FBXO44: variants seen among roughly 807,000 people sequenced by gnomAD.
The protein encoded by FBXO44 is F-box protein 44.
A neutral mutation model predicts 33.5 loss-of-function variants in FBXO44; 25 were observed. The observed-to-expected ratio is 0.75, with a 90% CI of 0.54 to 1.04. FBXO44 has a LOEUF of 1.04. Ranked by LOEUF, FBXO44 falls within the 50% of genes least tolerant of loss-of-function variation. FBXO44 has a pLI of 0.00. For missense variants in FBXO44, 311 were observed against 344.0 expected (o/e 0.90, Z 0.76); for synonymous variants, 147 against 152.8 (o/e 0.96, Z 0.28).
upstream of FBXO44, chr1:11,654,773 G>C (rs1639644946): frequency 6.4e-6 from 1 of 156,420 alleles, no homozygotes; most frequent in Non-Finnish European, 1.4e-5. Context: ...CCCCACACCA[G>C]GTAATTTTCC....
At chr1:11,658,990 G>T in intron 5 of FBXO44, 119 bp downstream of exon 5, 1 of 1,296,912 alleles carries the variant, frequency 7.7e-7, no homozygotes, top group South Asian at 1.4e-5. Context: ...CCAATGCTCT[G>T]AGCTTCACTC....
Position 11,658,412 on chromosome 1 carries a change from G to C in FBXO44, c.392+19G>C. 1 of 1,613,742 alleles carries C rather than the reference G, an allele frequency of 6.2e-7. No individual in the cohort carries two copies. Among genetic ancestry groups the C allele is most frequent in the East Asian group, 2.2e-5 (1 of 44,854 alleles). ...CATATTAGTAAGATCCGGGGACTTG[G>C]GGTAGGGGAAAGCCCAAATCAATTT... is the stretch of plus-strand genomic sequence containing the variant. On this transcript the variant is annotated intron_variant, in intron 3 of 5. Transcript: ENST00000251547.
chr1:11,657,109 T>C (rs898798267), intron 2 of FBXO44, among the ~76,000 whole-genome samples: 13 of 152,174 alleles, frequency 8.5e-5, no homozygotes, highest in Non-Finnish European at 5.9e-5. Context: ...AAAATGATAA[T>C]AAAACCACTC....
chr1:11,656,087 C>G lies in FBXO44; in HGVS notation c.252C>G (p.Asn84Lys), dbSNP rs770499991. ...LRSLHRNLLH[N>K]PCAEEGFEFW... ...GCCTGCACAGGAACCTCCTGCACAA[C>G]CCGTGCGCTGAAGGTGGGGTACAGG... is the stretch of plus-strand genomic sequence containing the variant. The change falls in exon 2 of 6, where the codon AAC becomes AAG. Residue 84 changes from asparagine to lysine, a missense_variant. Asn to Lys is a moderately conservative substitution (Grantham distance 94). Transcript: ENST00000251547. 8.1e-6 allele frequency: 13 copies of G among 1,613,804 alleles called. No individual in the cohort carries two copies. The highest frequency in any genetic ancestry group is 1.1e-5 in the Non-Finnish European group (13 of 1,179,722).
chr1:11,660,727 C>T (rs1386736780), intron 5 of FBXO44, among the ~76,000 whole-genome samples: 2 of 152,190 alleles, frequency 1.3e-5, no homozygotes, highest in Non-Finnish European at 2.9e-5. Context: ...TCCCCTGCCC[C>T]CCTCAGGCAG....
chr1:11,654,551 G>C (rs1415188155), upstream of FBXO44: 1 of 397,454 alleles, frequency 2.5e-6, no homozygotes, highest in Non-Finnish European at 4.4e-6. Context: ...GGGGCTGCGG[G>C]TTCCTCAGCG....
At chr1:11,655,461 G>A (rs989228190) in intron 1 of FBXO44, 35 of 250,198 alleles carry the variant, frequency 1.4e-4, no homozygotes, top group African/African-American at 7.2e-4. Context: ...CGGCACCGGA[G>A]GCCTGGGGTG....
At position 11,655,878 on chromosome 1, in the gene FBXO44, C is replaced by A; in HGVS notation, c.43C>A (p.Leu15Met). 1 of 1,613,974 alleles carries A rather than the reference C, an allele frequency of 6.2e-7. No homozygotes were observed. The highest frequency in any genetic ancestry group is 8.5e-7 in the Non-Finnish European group (1 of 1,180,020). The change falls in exon 2 of 6, where the codon CTG becomes ATG. Residue 15 changes from leucine (L) to methionine (M), a missense_variant. Physicochemically the swap from Leu to Met is conservative, Grantham distance 15 (BLOSUM62 2). Transcript: ENST00000251547. ...CAACGAGCTGCCCGAGAACATCCTG[C>A]TGGAGCTGTTCACGCACGTGCCCGC... ...NINELPENILLELFTHVPARQ... is the reference protein window; with the variant it reads ...NINELPENILMELFTHVPARQ...
Position 11,662,680 on chromosome 1 carries a change from G to A in FBXO44, c.*1407G>A, listed in dbSNP as rs1464390446. 2 of 152,256 alleles carry A rather than the reference G, an allele frequency of 1.3e-5. No homozygotes were observed. Among genetic ancestry groups the A allele is most frequent in the Non-Finnish European group, 2.9e-5 (2 of 68,066 alleles). The allele number at this position is 152,256 out of a possible 1,614,324, so 9.4% of individuals were successfully genotyped here. A position where few individuals can be genotyped will look rare whatever the true frequency, so the allele number is the denominator to read the frequency against. ...TTAGAATGGTGCCTGGCACACAGTTGGTGCGTGATATGGTTAAGCTTTGTG... is the reference window on the plus strand; with the variant it reads ...TTAGAATGGTGCCTGGCACACAGTTAGTGCGTGATATGGTTAAGCTTTGTG... On this transcript the variant is annotated 3_prime_UTR_variant, in exon 6 of 6. Transcript: ENST00000251547.
Position 11,661,435 on chromosome 1 carries a change from C to T in FBXO44, c.*162C>T, listed in dbSNP as rs1000641466. 2.7e-6 allele frequency: 3 copies of T among 1,097,950 alleles called. No homozygotes were observed. Among genetic ancestry groups the T allele is most frequent in the East Asian group, 2.6e-5 (1 of 39,150 alleles). The allele number at this position is 1,097,950 out of a possible 1,614,324, so 68.0% of individuals were successfully genotyped here. On this transcript the variant is annotated 3_prime_UTR_variant, in exon 6 of 6. Transcript: ENST00000251547. This position sits in a 1 kb window ranked among gnomAD's most constrained non-coding sequence, Gnocchi z 4.4. ...GGAGCCTCTCAGTGTGGGCAGCCCT[C>T]GCATGCTGGGGTCGGGCCAGCTCTC...
At chr1:11,656,493 G>A (rs778103309) in intron 2 of FBXO44, among the ~76,000 whole-genome samples, 98 of 147,608 alleles carry the variant, frequency 6.6e-4, no homozygotes, top group Non-Finnish European at 4.2e-4. Context: ...ATGGAGTCTC[G>A]CTCTGTTGCC....
At chr1:11,660,185 C>T (rs1435154506) in intron 5 of FBXO44, among the ~76,000 whole-genome samples, 11 of 152,034 alleles carry the variant, frequency 7.2e-5, no homozygotes, top group Admixed American at 1.3e-4. Flanking sequence ...TTTTTTGAGA[C>T]GGAGTCTCGC....
At chr1:11,656,754 C>A (rs146597351) in intron 2 of FBXO44, among the ~76,000 whole-genome samples, 1 of 152,212 alleles carries the variant, frequency 6.6e-6, no homozygotes, top group Admixed American at 6.5e-5. Flanking sequence ...TGAGCCACCG[C>A]GCCCGGCCTC....
rs2100637175 is a variant in FBXO44 at position 11,658,576 on chromosome 1, T to C, written c.436T>C (p.Tyr146His). ...SQVVDLKAEG[Y>H]WEELMDTTRP... The stretch of plus-strand genomic sequence containing the variant: ...GGTGGTGGACCTCAAGGCCGAAGGG[T>C]ATTGGGAGGAGCTGATGGATACCAC... The change falls in exon 4 of 6, where the codon TAT becomes CAT. Residue 146 changes from tyrosine to histidine, a missense_variant. Transcript: ENST00000251547. 3.7e-6 allele frequency: 6 copies of C among 1,610,068 alleles called. No homozygotes were observed. In the East Asian group the frequency reaches 1.3e-4, roughly 36 times the overall value.
chr1:11,654,626 G>C (rs1266478955), upstream of FBXO44: 8 of 331,284 alleles, frequency 2.4e-5, no homozygotes, highest in African/African-American at 1.7e-4. Flanking sequence ...TCCGATTTGG[G>C]GCATCTCGCA....
At chr1:11,655,585 G>C (rs1639720725) in intron 1 of FBXO44, 1 of 553,636 alleles carries the variant, frequency 1.8e-6, no homozygotes, top group African/African-American at 1.9e-5. Flanking sequence ...TTTTGACCTT[G>C]GGCAGTGCCT....
chr1:11,661,387 G>A lies in FBXO44; in HGVS notation c.*114G>A. On this transcript the variant is annotated 3_prime_UTR_variant, in exon 6 of 6. Transcript: ENST00000251547. The surrounding 1 kb of genome is among the most constrained non-coding windows in gnomAD (Gnocchi z 4.4). Reference sequence around the variant, plus strand: ...AGGTGTCCCCAGACCTCTAACCCTTGCCCCTAGCAGCCTCTTCTTTGTGGA... The same window carrying A: ...AGGTGTCCCCAGACCTCTAACCCTTACCCCTAGCAGCCTCTTCTTTGTGGA... The A allele has an allele frequency of 6.9e-7, 1 of 1,449,738 alleles. No homozygotes were observed. 89.8% of individuals were successfully genotyped at this position (1,449,738 alleles called of 1,614,324 possible).
intron 2 of FBXO44, among the ~76,000 whole-genome samples, chr1:11,657,118 T>C (rs1639861883): frequency 6.6e-6 from 1 of 152,104 alleles, no homozygotes; most frequent in Non-Finnish European, 1.5e-5. Context: ...ATAAAACCAC[T>C]CCTCCAAGCT....
chr1:11,661,479 G>C lies in FBXO44; in HGVS notation c.*206G>C, dbSNP rs191033896. On this transcript the variant is annotated 3_prime_UTR_variant, in exon 6 of 6. Coordinates refer to ENST00000251547, the MANE Select transcript of FBXO44 (RefSeq NM_033182.7). The surrounding 1 kb of genome is among the most constrained non-coding windows in gnomAD (Gnocchi z 4.4). ...AGCTCTCCCCGAAAGGTCTTGACCT[G>C]AATGATGGCCGGGGAAGCCTGCGTG... The C allele has an allele frequency of 3.1e-4, 203 of 645,554 alleles. No individual in the cohort carries two copies. In the African/African-American group the frequency reaches 3.3e-3, roughly 11 times the overall value. 40.0% of individuals were successfully genotyped at this position (645,554 alleles called of 1,614,324 possible). A position where few individuals can be genotyped will look rare whatever the true frequency, so the allele number is the denominator to read the frequency against.
Sources: allele counts gnomAD v4.1 joint callset (sites outside exome capture counted in the v4.1 genomes callset), GRCh38; gene constraint gnomAD v4.1.1; non-coding constraint Gnocchi (gnomAD v3.1); transcripts MANE v1.5; gene names NCBI Gene and HGNC (gene_info 2026-07-23, HGNC 2026-07-21).